Variants in CEP97 observed in about 807,000 individuals in gnomAD.
CEP97 encodes the protein centrosomal protein of 97 kDa.
Under a neutral mutation model 73.1 loss-of-function variants are expected in CEP97, and 43 were observed. The observed-to-expected ratio is 0.59, with a 90% CI of 0.46 to 0.76. The LOEUF is 0.76. Ranked by LOEUF, CEP97 falls within the 30% of genes least tolerant of loss-of-function variation. The pLI is 0.00. For synonymous variants in CEP97, 337 were observed against 370.0 expected, an observed-to-expected ratio of 0.91 and a Z score of 1.02; for missense variants, 939 against 1,014.0, an observed-to-expected ratio of 0.93 and a Z score of 1.00.
chr3:101,743,956 A>T (rs1483361406), intron 6 of CEP97, among the ~76,000 whole-genome samples: 6 of 150,458 alleles, frequency 4.0e-5, no homozygotes, highest in African/African-American at 1.5e-4. Flanking sequence ...GTGAGCTGAG[A>T]TCGTGCCATT....
intron 6 of CEP97, among the ~76,000 whole-genome samples, chr3:101,744,650 G>GA (rs5851281): frequency 0.32 from 47,769 of 151,540 alleles, 7,741 homozygotes; most frequent in Non-Finnish European, 0.35. Flanking sequence ...TGCCGTGCTA[G>GA]AGACAAAATG....
At chr3:101,763,342 A>C (rs1285040295) in intron 10 of CEP97, among the ~76,000 whole-genome samples, 2 of 152,180 alleles carry the variant, frequency 1.3e-5, no homozygotes, top group African/African-American at 2.4e-5. Flanking sequence ...AATAGTTAAA[A>C]AAAATAAGGT....
At chr3:101,735,514 A>T (rs950850981) in intron 6 of CEP97, among the ~76,000 whole-genome samples, 1 of 152,116 alleles carries the variant, frequency 6.6e-6, no homozygotes. Flanking sequence ...TCTCACTGGG[A>T]CTAGTTAGAC....
chr3:101,756,999 G>A, intron 7 of CEP97, 64 bp from the exon 8 acceptor site: 1 of 1,442,836 alleles, frequency 6.9e-7, no homozygotes, highest in Non-Finnish European at 9.3e-7. Flanking sequence ...TTGTTACCTA[G>A]GAAGCAGAAA....
At chr3:101,755,894 C>A (rs965624174) in intron 7 of CEP97, among the ~76,000 whole-genome samples, 1 of 152,074 alleles carries the variant, frequency 6.6e-6, no homozygotes, top group African/African-American at 2.4e-5. Flanking sequence ...GTGCATGCCA[C>A]CATGGTTGGC....
intron 6 of CEP97, among the ~76,000 whole-genome samples, chr3:101,750,207 A>C (rs1938761930): frequency 6.8e-6 from 1 of 146,244 alleles, no homozygotes; most frequent in African/African-American, 2.5e-5. Context: ...TCAGCTTTCT[A>C]CATATGGCTA....
Position 101,758,132 on chromosome 3 carries a change from AG to A in CEP97, c.1527del (p.Glu509AspfsTer7). 6.2e-7 allele frequency: 1 copy of A among 1,614,208 alleles called. No individual in the cohort carries two copies. Among genetic ancestry groups the A allele is most frequent in the Non-Finnish European group, 8.5e-7 (1 of 1,180,040 alleles). On this transcript the variant is annotated frameshift_variant, in exon 9 of 11. Coordinates refer to ENST00000341893, the MANE Select transcript of CEP97 (RefSeq NM_024548.4). LOFTEE classifies it high-confidence loss of function. ...CTTACATTTTTTCCTGAGTCAACTG[AG>A]CAGAAACAATCAGACATAAAGAAAC... ...HSLTFFPEST[E>X]QKQSDIKKPE... is the part of the protein sequence containing the mutation.
At position 101,757,104 on chromosome 3, in the gene CEP97, A is replaced by C; in HGVS notation, c.935A>C (p.Glu312Ala). ...RQLMNQSQNE[E>A]LSPLVPVETR... is the part of the protein sequence containing the mutation. Reference sequence around the variant, plus strand: ...TTGATGAACCAAAGCCAAAATGAAGAGTTGTCTCCTCTTGTTCCTGTTGAA... The same window carrying C: ...TTGATGAACCAAAGCCAAAATGAAGCGTTGTCTCCTCTTGTTCCTGTTGAA... Residue 312 changes from glutamate (E) to alanine (A), a missense_variant, in exon 8 of 11, where the codon GAG becomes GCG. Glu to Ala is a moderately radical substitution (Grantham distance 107). Transcript: ENST00000341893. 6.2e-7 allele frequency: 1 copy of C among 1,612,884 alleles called. No individual in the cohort carries two copies. Among genetic ancestry groups the C allele is most frequent in the Non-Finnish European group, 8.5e-7 (1 of 1,179,602 alleles).
chr3:101,742,748 AG>A (rs1938497700), intron 6 of CEP97, among the ~76,000 whole-genome samples: 1 of 151,784 alleles, frequency 6.6e-6, no homozygotes, highest in Non-Finnish European at 1.5e-5. Context: ...AAAAAAAAAA[AG>A]TGTGGGAAGA....
At chr3:101,725,360 G>C (rs1179431705) in intron 1 of CEP97, among the ~76,000 whole-genome samples, 1 of 152,174 alleles carries the variant, frequency 6.6e-6, no homozygotes, top group Non-Finnish European at 1.5e-5. Flanking sequence ...GACGCGAGCT[G>C]CTTTTGTTTT....
rs1938533600 is a variant in CEP97, at chr3:101,743,926, TC to T, written c.728+11274del. ...GGCTGAGGCAGGAGAATCACTTGAA[TC>T]CGAGAGGCAGAGGTTACGGTGAGCT... On this transcript the variant is annotated intron_variant, in intron 6 of 10. Coordinates refer to ENST00000341893, the MANE Select transcript of CEP97 (RefSeq NM_024548.4). Among the ~76,000 whole-genome samples, 4 of 149,304 alleles carry T rather than the reference TC, an allele frequency of 2.7e-5. No homozygotes were observed. In the Admixed American group the frequency reaches 2.7e-4, roughly 10 times the overall value.
Position 101,766,995 on chromosome 3 carries a change from A to G in CEP97, c.*1444A>G, listed in dbSNP as rs1939335418. ...GCTCTGTTGGTGCGGTGCCATGATC[A>G]TAGTTCACTATAACCTCGAACTCCT... On this transcript the variant is annotated 3_prime_UTR_variant, in exon 11 of 11. Transcript: ENST00000341893. 1 of 152,194 alleles carries G rather than the reference A, an allele frequency of 6.6e-6. No homozygotes were observed. The highest frequency in any genetic ancestry group is 1.5e-5 in the Non-Finnish European group (1 of 68,026). 9.4% of individuals were successfully genotyped at this position (152,194 alleles called of 1,614,324 possible). A position where few individuals can be genotyped will look rare whatever the true frequency, so the allele number is the denominator to read the frequency against.
chr3:101,725,641 C>A (rs1937857721), intron 1 of CEP97, among the ~76,000 whole-genome samples: 1 of 152,132 alleles, frequency 6.6e-6, no homozygotes, highest in Non-Finnish European at 1.5e-5. Context: ...CATTAGACAA[C>A]GGGAAAACGT....
chr3:101,765,595 A>T lies in CEP97; in HGVS notation c.*44A>T. On this transcript the variant is annotated 3_prime_UTR_variant, in exon 11 of 11. Transcript: ENST00000341893. ...GATATCCACTTAACTTTTCTTAAAA[A>T]TACTTTCAGTTGCCTTTGCTTTTTT... 1 of 1,506,026 alleles carries T rather than the reference A, an allele frequency of 6.6e-7. No homozygotes were observed. 93.3% of individuals were successfully genotyped at this position (1,506,026 alleles called of 1,614,324 possible). A position where few individuals can be genotyped will look rare whatever the true frequency, so the allele number is the denominator to read the frequency against.
At chr3:101,736,035 T>A (rs959431314) in intron 6 of CEP97, among the ~76,000 whole-genome samples, 3 of 152,066 alleles carry the variant, frequency 2.0e-5, no homozygotes, top group Admixed American at 6.5e-5. Context: ...TTTACCGAGG[T>A]GCGAATAGGT....
At chr3:101,753,941 G>A (rs1433626355) in intron 6 of CEP97, among the ~76,000 whole-genome samples, 3 of 151,780 alleles carry the variant, frequency 2.0e-5, no homozygotes, top group Non-Finnish European at 4.4e-5. Context: ...GCACTCCCTA[G>A]TGGGATGAAC....
chr3:101,726,824 C>A, intron 2 of CEP97, 88 bp downstream of exon 2: 1 of 951,718 alleles, frequency 1.1e-6, no homozygotes, highest in South Asian at 1.9e-5. Flanking sequence ...AGTAACTGTG[C>A]AGCCCTAGCA....
chr3:101,733,616 C>T (rs966404831), intron 6 of CEP97, among the ~76,000 whole-genome samples: 7 of 151,330 alleles, frequency 4.6e-5, no homozygotes, highest in South Asian at 2.1e-4. Flanking sequence ...CTGCAAGCTC[C>T]GCCTCCCGGG....
At chr3:101,733,340 C>T (rs922215154) in intron 6 of CEP97, among the ~76,000 whole-genome samples, 4 of 151,918 alleles carry the variant, frequency 2.6e-5, no homozygotes, top group East Asian at 1.9e-4. Context: ...ATATAAGGGC[C>T]GTATTTTTTA....
Sources: gnomAD v4.1 joint callset for allele counts (sites outside exome capture counted in the v4.1 genomes callset) on GRCh38, gnomAD v4.1.1 for gene constraint, MANE v1.5 for transcripts, NCBI Gene and HGNC (gene_info 2026-07-23, HGNC 2026-07-21) for gene names.